Variants in TEX9 observed in about 807,000 individuals in gnomAD.
TEX9 encodes testis-expressed protein 9.
TEX9 carries 74 observed loss-of-function variants against 59.6 expected under a neutral mutation model. The ratio of observed to expected loss-of-function variants is 1.24; its 90% CI spans 1.03 to 1.51. The LOEUF (loss-of-function observed/expected upper bound fraction) is 1.51, where lower values mean the gene tolerates loss of function less well. Among genes scored for constraint, TEX9 ranks in the 40% most tolerant of loss-of-function variants. The pLI is 0.00. For synonymous variants in TEX9, 186 were observed against 152.2 expected (o/e 1.22, Z -1.64); for missense variants, 522 against 447.8 (o/e 1.17, Z -1.49).
chr15:56,318,073 G>A (rs1162988870), intron 1 of TEX9, among the ~76,000 whole-genome samples: 3 of 152,052 alleles, frequency 2.0e-5, no homozygotes, highest in Admixed American at 6.5e-5. Flanking sequence ...TTGAAACTGG[G>A]TTACTGAAAT....
chr15:56,278,217 T>G (rs1169605013), intron 1 of TEX9, among the ~76,000 whole-genome samples: 2 of 152,224 alleles, frequency 1.3e-5, no homozygotes, highest in African/African-American at 4.8e-5. Context: ...ATTCTCTATT[T>G]TTAAACCTGA....
chr15:56,374,491 CA>C (rs1405584674), intron 3 of TEX9: 2 of 152,192 alleles, frequency 1.3e-5, no homozygotes, highest in Admixed American at 6.5e-5. Context: ...ATAATCACAT[CA>C]TGGAAAATGG....
exon 11 of TEX9, chr15:56,427,631 A>T (rs1363339057): frequency 6.5e-7 from 1 of 1,545,132 alleles, no homozygotes; most frequent in Admixed American, 2.1e-5. Context: ...AACACAAAAA[A>T]ATTGAAGTGT....
At position 56,423,097 on chromosome 15, in the gene TEX9, T is replaced by C. The variant is rs533169644; in HGVS notation, c.964-4508T>C. On this transcript the variant is annotated intron_variant, in intron 10 of 12. Coordinates refer to ENST00000352903, the Ensembl canonical transcript of TEX9. ...ACCTTTTGGCTAGTATGAGTTGCAC[T>C]GCTTTGAACAAGGGTATACAGATAT... is the stretch of plus-strand genomic sequence containing the variant. Among the ~76,000 whole-genome samples the C allele has an allele frequency of 1.6e-3, 242 of 152,294 alleles. 2 individuals are homozygous for C. Among genetic ancestry groups the C allele is most frequent in the African/African-American group, 5.7e-3 (235 of 41,568 alleles).
chr15:56,348,660 T>C (rs2046517978), intron 1 of TEX9, among the ~76,000 whole-genome samples: 1 of 152,132 alleles, frequency 6.6e-6, no homozygotes, highest in South Asian at 2.1e-4. Flanking sequence ...TTTGACTGCC[T>C]TCAAGATTTT....
intron 8 of TEX9, 67 bp downstream of exon 8, chr15:56,394,314 A>G: frequency 7.7e-7 from 1 of 1,301,656 alleles, no homozygotes; most frequent in South Asian, 1.4e-5. Context: ...TTTCAATTAC[A>G]TTTTTTGAAT....
chr15:56,272,944 T>G (rs55796151), intron 1 of TEX9, among the ~76,000 whole-genome samples: 42,753 of 141,726 alleles, frequency 0.3, 7,029 homozygotes, highest in East Asian at 0.39. Flanking sequence ...ATTTATTTTT[T>G]TTGTTGTTGT....
chr15:56,430,925 C>G (rs1232154016), intron 12 of TEX9, among the ~76,000 whole-genome samples: 2 of 152,250 alleles, frequency 1.3e-5, no homozygotes, highest in African/African-American at 4.8e-5. Flanking sequence ...CTTGGGGAGG[C>G]TGAGGCAGAT....
chr15:56,262,594 C>T (rs981248565), intron 1 of TEX9, among the ~76,000 whole-genome samples: 36 of 152,282 alleles, frequency 2.4e-4, no homozygotes, highest in African/African-American at 8.4e-4. Flanking sequence ...GGTGTAGTGT[C>T]ATATCGATAT....
At chr15:56,351,788 A>G (rs767017834) in intron 1 of TEX9, among the ~76,000 whole-genome samples, 4 of 152,260 alleles carry the variant, frequency 2.6e-5, no homozygotes, top group African/African-American at 9.6e-5. Context: ...TATGTGAAAG[A>G]GAAAACTTCT....
At chr15:56,363,317 T>A (rs1315627169), upstream of TEX9, among the ~76,000 whole-genome samples, 2 of 150,784 alleles carry the variant, frequency 1.3e-5, no homozygotes, top group East Asian at 2.0e-4. Flanking sequence ...CAGGCTGGAG[T>A]GCAGTGGTGC....
chr15:56,291,426 T>C (rs2045089463), intron 1 of TEX9, among the ~76,000 whole-genome samples: 1 of 152,206 alleles, frequency 6.6e-6, no homozygotes, highest in Non-Finnish European at 1.5e-5. Context: ...ATTATATTTA[T>C]TCATATTTTT....
chr15:56,267,977 A>G (rs2044428807), intron 1 of TEX9, among the ~76,000 whole-genome samples: 1 of 151,852 alleles, frequency 6.6e-6, no homozygotes, highest in Admixed American at 6.6e-5. Context: ...ATGTTCTTCC[A>G]TTTGTTTCCT....
At chr15:56,456,053 A>T in the TEX9 span, among the ~76,000 whole-genome samples, 1 of 152,148 alleles carries the variant, frequency 6.6e-6, no homozygotes, top group Non-Finnish European at 1.5e-5. Flanking sequence ...GAAATACTGT[A>T]GGAAATTTAT....
chr15:56,270,733 T>C (rs1454912142), intron 1 of TEX9, among the ~76,000 whole-genome samples: 2 of 152,248 alleles, frequency 1.3e-5, no homozygotes, highest in Admixed American at 1.3e-4. Flanking sequence ...CTAGCATTGA[T>C]GGTCTTTACA....
intron 1 of TEX9, among the ~76,000 whole-genome samples, chr15:56,290,451 C>T (rs1277215449): frequency 6.6e-6 from 1 of 151,730 alleles, no homozygotes; most frequent in African/African-American, 2.4e-5. Context: ...CAAGCCCTGC[C>T]CCCCCCAGTT....
At chr15:56,414,836 T>G (rs1434956974) in intron 10 of TEX9, among the ~76,000 whole-genome samples, 2 of 151,924 alleles carry the variant, frequency 1.3e-5, no homozygotes, top group Admixed American at 6.6e-5. Context: ...GCACAATGGT[T>G]GAACTAATTT....
Position 56,381,302 on chromosome 15 carries a change from T to C in TEX9, c.184-2650T>C, listed in dbSNP as rs2047715255. 2.0e-5 allele frequency among the ~76,000 whole-genome samples: 3 copies of C among 152,188 alleles called. No individual in the cohort carries two copies. In the South Asian group the frequency reaches 6.2e-4, roughly 32 times the overall value. Reference sequence around the variant, plus strand: ...TTTATCTGATAGAATTTTGAATTCCTTTTCTGTTACTTGGGTTTCTTTGAG... The same window carrying C: ...TTTATCTGATAGAATTTTGAATTCCCTTTCTGTTACTTGGGTTTCTTTGAG... On this transcript the variant is annotated intron_variant, in intron 3 of 12. Coordinates refer to ENST00000352903, the Ensembl canonical transcript of TEX9.
At chr15:56,261,648 G>A (rs372628771) in intron 1 of TEX9, among the ~76,000 whole-genome samples, 3 of 152,040 alleles carry the variant, frequency 2.0e-5, no homozygotes, top group African/African-American at 7.3e-5. Context: ...ACCTGGGAAG[G>A]GGAGGTTGCA....
Sources: gnomAD v4.1 joint callset for allele counts (sites outside exome capture counted in the v4.1 genomes callset) on GRCh38, gnomAD v4.1.1 for gene constraint, MANE v1.5 for transcripts, NCBI Gene and HGNC (gene_info 2026-07-23, HGNC 2026-07-21) for gene names.